Variants in NPAS3 observed in about 807,000 individuals in gnomAD.
NPAS3 encodes neuronal PAS domain protein 3, also known as neuronal PAS domain-containing protein 3.
In NPAS3, 14 loss-of-function variants were observed where a neutral mutation model predicts 73.1. That is an observed-to-expected ratio of 0.19 (90% CI 0.13 to 0.30). The LOEUF (loss-of-function observed/expected upper bound fraction) is 0.30, where lower values mean the gene tolerates loss of function less well. Ranked by LOEUF, NPAS3 falls within the 10% of genes least tolerant of loss-of-function variation. The pLI, the probability that NPAS3 is intolerant of heterozygous loss-of-function variation, is 1.00. For synonymous variants in NPAS3, 620 were observed against 541.5 expected (o/e 1.14, Z -2.01); for missense variants, 1,096 against 1,250.0 (o/e 0.88, Z 1.86).
intron 3 of NPAS3, among the ~76,000 whole-genome samples, chr14:33,347,639 T>C (rs936351000): frequency 3.3e-5 from 5 of 152,194 alleles, no homozygotes; most frequent in African/African-American, 1.2e-4. Context: ...GGGGAATTGG[T>C]TCCAGAATCT....
intron 3 of NPAS3, among the ~76,000 whole-genome samples, chr14:33,336,104 C>T (rs550707074): frequency 1.9e-3 from 286 of 152,222 alleles, no homozygotes; most frequent in Non-Finnish European, 2.7e-3. Context: ...TTATTATAGC[C>T]ATTCTATTTC....
intron 6 of NPAS3, among the ~76,000 whole-genome samples, chr14:33,681,888 A>G (rs1306236465): frequency 6.6e-6 from 1 of 151,776 alleles, no homozygotes; most frequent in East Asian, 2.0e-4. Context: ...GTAAGTGACA[A>G]ACAGTGTAGT....
At position 33,410,612 on chromosome 14, in the gene NPAS3, T is replaced by G. The variant is rs529256850; in HGVS notation, c.468+43344T>G. 7.9e-5 allele frequency among the ~76,000 whole-genome samples: 12 copies of G among 152,302 alleles called. No homozygotes were observed. In the South Asian group the frequency reaches 2.1e-3, roughly 26 times the overall value. On this transcript the variant is annotated intron_variant, in intron 4 of 11. Transcript: ENST00000356141. Reference sequence around the variant, plus strand: ...CTTCTGTCAGATCATCACAAAAATGTGTCCCAAGCTACATTTTGGCTCAAG... The same window carrying G: ...CTTCTGTCAGATCATCACAAAAATGGGTCCCAAGCTACATTTTGGCTCAAG...
rs189172753 is a variant in NPAS3 at position 33,767,205 on chromosome 14, T to G, written c.853-7132T>G. Among the ~76,000 whole-genome samples the G allele has an allele frequency of 3.2e-3, 493 of 152,334 alleles. 3 individuals are homozygous for G. Among genetic ancestry groups the G allele is most frequent in the African/African-American group, 0.011 (475 of 41,572 alleles). The stretch of plus-strand genomic sequence containing the variant: ...CAGAAGCAGATCTGCTAGGGCAGAT[T>G]CTCCAGCCTATGAATATGGTCTAAA... On this transcript the variant is annotated intron_variant, in intron 7 of 11. Transcript: ENST00000356141.
intron 4 of NPAS3, among the ~76,000 whole-genome samples, chr14:33,377,311 A>G (rs2046352129): frequency 6.6e-6 from 1 of 152,234 alleles, no homozygotes; most frequent in Non-Finnish European, 1.5e-5. Flanking sequence ...AAAGTGTGAC[A>G]TGCCATTACT....
intron 2 of NPAS3, among the ~76,000 whole-genome samples, chr14:33,126,996 T>A (rs2043450939): frequency 6.6e-6 from 1 of 152,114 alleles, no homozygotes; most frequent in Admixed American, 6.6e-5. Flanking sequence ...GTAGTAGTAT[T>A]ATTGAAGCTA....
At chr14:33,114,385 C>T (rs1467290973) in intron 2 of NPAS3, among the ~76,000 whole-genome samples, 1 of 152,002 alleles carries the variant, frequency 6.6e-6, no homozygotes, top group Non-Finnish European at 1.5e-5. Flanking sequence ...TCTGCTGCTT[C>T]CTGGGATTCA....
At chr14:32,994,630 G>GTTTTTTTTTTT (rs777136450) in intron 1 of NPAS3, among the ~76,000 whole-genome samples, 9 of 123,612 alleles carry the variant, frequency 7.3e-5, no homozygotes, top group South Asian at 2.5e-4. Context: ...TTGTTTGTTT[G>GTTTTTTTTTTT]TTTTTGTTTT....
chr14:33,568,947 C>T (rs114361823), intron 5 of NPAS3, among the ~76,000 whole-genome samples: 75 of 152,298 alleles, frequency 4.9e-4, no homozygotes, highest in African/African-American at 1.7e-3. Flanking sequence ...GTTAAAGAGA[C>T]TGATAGCAGT....
intron 3 of NPAS3, among the ~76,000 whole-genome samples, chr14:33,340,845 CA>C (rs2044444135): frequency 6.6e-6 from 1 of 151,996 alleles, no homozygotes; most frequent in Admixed American, 6.6e-5. Context: ...AAAAATAGAG[CA>C]AAAAGGAAAC....
At chr14:33,062,095 C>A (rs946099952) in intron 2 of NPAS3, among the ~76,000 whole-genome samples, 3 of 152,076 alleles carry the variant, frequency 2.0e-5, no homozygotes, top group African/African-American at 7.2e-5. Context: ...GGACTGCCAT[C>A]CTGGGAGAGC....
At chr14:33,722,064 C>A (rs1566466534) in intron 6 of NPAS3, among the ~76,000 whole-genome samples, 1 of 152,282 alleles carries the variant, frequency 6.6e-6, no homozygotes, top group East Asian at 1.9e-4. Context: ...GAGCATTCAG[C>A]TCCCAGGCAA....
At chr14:33,788,994 A>C (rs967452344) in intron 9 of NPAS3, among the ~76,000 whole-genome samples, 2 of 140,792 alleles carry the variant, frequency 1.4e-5, no homozygotes, top group African/African-American at 5.1e-5. Flanking sequence ...GGGGGCGGGC[A>C]GGGGAAACCT....
intron 4 of NPAS3, among the ~76,000 whole-genome samples, chr14:33,517,541 T>A (rs763415954): frequency 6.6e-6 from 1 of 151,972 alleles, no homozygotes; most frequent in Non-Finnish European, 1.5e-5. Context: ...ATGCTTCAGG[T>A]CCTTTGCTTA....
At chr14:33,568,027 C>A (rs2056046990) in intron 5 of NPAS3, among the ~76,000 whole-genome samples, 1 of 152,076 alleles carries the variant, frequency 6.6e-6, no homozygotes, top group Admixed American at 6.6e-5. Context: ...AATCGAAAAC[C>A]TACATTGCTT....
chr14:33,761,736 T>G (rs2062298301), intron 7 of NPAS3, among the ~76,000 whole-genome samples: 2 of 152,182 alleles, frequency 1.3e-5, no homozygotes, highest in Admixed American at 6.5e-5. Flanking sequence ...GGAAGGAAAT[T>G]TTTTAAAAAT....
At chr14:33,209,799 C>A (rs554057142) in intron 2 of NPAS3, among the ~76,000 whole-genome samples, 1 of 152,186 alleles carries the variant, frequency 6.6e-6, no homozygotes, top group East Asian at 1.9e-4. Flanking sequence ...AGTTAGATAA[C>A]CAAAACCTGC....
intron 1 of NPAS3, among the ~76,000 whole-genome samples, chr14:33,016,518 G>C (rs2039398710): frequency 6.6e-6 from 1 of 151,376 alleles, no homozygotes; most frequent in Non-Finnish European, 1.5e-5. Flanking sequence ...AAAAGAGAGT[G>C]GTTGTCTAAG....
intron 2 of NPAS3, among the ~76,000 whole-genome samples, chr14:33,075,840 T>A (rs1372889812): frequency 6.6e-6 from 1 of 152,240 alleles, no homozygotes; most frequent in Non-Finnish European, 1.5e-5. Context: ...TCTAACATTT[T>A]AAGATTTGGT....
Sources: allele counts gnomAD v4.1 joint callset (sites outside exome capture counted in the v4.1 genomes callset), GRCh38; gene constraint gnomAD v4.1.1; transcripts MANE v1.5; gene names NCBI Gene and HGNC (gene_info 2026-07-23, HGNC 2026-07-21).